The following KIAA1549 variants were observed in gnomAD, a reference collection of about 807,000 sequenced individuals.
KIAA1549 encodes the protein KIAA1549.
A neutral mutation model predicts 156.4 loss-of-function variants in KIAA1549; 70 were observed. That is an observed-to-expected ratio of 0.45 (90% CI 0.37 to 0.55). The LOEUF (loss-of-function observed/expected upper bound fraction) is 0.55, where lower values mean the gene tolerates loss of function less well. Ranked by LOEUF, KIAA1549 falls within the 20% of genes least tolerant of loss-of-function variation. KIAA1549 has a pLI of 0.00. For synonymous variants in KIAA1549, 1,103 were observed against 1,066.4 expected (o/e 1.03, Z -0.67); for missense variants, 2,428 against 2,540.9 (o/e 0.96, Z 0.96).
Position 138,883,234 on chromosome 7 carries a change from C to T in KIAA1549, c.4033-1650G>A, listed in dbSNP as rs185333848. Among the ~76,000 whole-genome samples, 203 of 145,970 alleles carry T rather than the reference C, an allele frequency of 1.4e-3. 1 individual carries two copies. Among genetic ancestry groups the T allele is most frequent in the African/African-American group, 5.1e-3 (202 of 39,248 alleles). On this transcript the variant is annotated intron_variant, in intron 10 of 19. Coordinates refer to ENST00000422774, the MANE Select transcript of KIAA1549 (RefSeq NM_001164665.2). The stretch of plus-strand genomic sequence containing the variant: ...ATTTCAGTAAACTGAGATCGCGCCA[C>T]TGCACTCCAGCCCAGGTGAAAGAGT...
intron 9 of KIAA1549, among the ~76,000 whole-genome samples, chr7:138,894,727 T>G (rs998748834): frequency 2.0e-5 from 3 of 152,110 alleles, no homozygotes; most frequent in Non-Finnish European, 4.4e-5. Flanking sequence ...ACATCAGGGA[T>G]CACAACGACA....
At chr7:138,955,694 T>C (rs1308252009) in intron 1 of KIAA1549, among the ~76,000 whole-genome samples, 6 of 152,196 alleles carry the variant, frequency 3.9e-5, no homozygotes, top group Admixed American at 2.6e-4. Flanking sequence ...TTTGAAACAC[T>C]AGGAAGATGC....
In KIAA1549 at chr7:138,881,411, G is replaced by C; in HGVS notation, c.4206C>G (p.Ser1402=). The part of the protein sequence containing the change: ...DVPSPKSKIP[S]KNVRHRGRVS... ...ACCTTCCTCTGTGACGAACATTCTT[G>C]GAAGGGATCTTTGACTTGGGGCTTG... Residue 1402 remains serine (S), a synonymous_variant, in exon 11 of 20, where the codon TCC becomes TCG. Transcript: ENST00000422774. 3.1e-6 allele frequency: 5 copies of C among 1,613,802 alleles called. No homozygotes were observed. The highest frequency in any genetic ancestry group is 4.2e-6 in the Non-Finnish European group (5 of 1,179,842).
intron 17 of KIAA1549, among the ~76,000 whole-genome samples, chr7:138,845,979 A>G (rs1810061956): frequency 6.6e-6 from 1 of 152,192 alleles, no homozygotes; most frequent in African/African-American, 2.4e-5. Flanking sequence ...TCTCCACTCA[A>G]ACAATGGGAG....
intron 8 of KIAA1549, among the ~76,000 whole-genome samples, chr7:138,902,113 T>C (rs191698103): frequency 6.6e-6 from 1 of 152,376 alleles, no homozygotes; most frequent in Non-Finnish European, 1.5e-5. Flanking sequence ...CTTATTCGTT[T>C]AATGATTACT....
chr7:138,903,791 CAGTGTG>C, intron 7 of KIAA1549, 55 bp from the exon 8 acceptor site: 1 of 1,352,700 alleles, frequency 7.4e-7, no homozygotes, highest in South Asian at 1.3e-5. Flanking sequence ...AGTAAAAAAA[CAGTGTG>C]TGTGTGTGTG....
intron 1 of KIAA1549, among the ~76,000 whole-genome samples, chr7:138,957,798 C>A (rs1813712299): frequency 6.6e-6 from 1 of 152,072 alleles, no homozygotes; most frequent in Non-Finnish European, 1.5e-5. Flanking sequence ...AAAACATGTA[C>A]CTATGGACCC....
At chr7:138,915,629 G>C (rs964003828) in intron 2 of KIAA1549, among the ~76,000 whole-genome samples, 1 of 151,646 alleles carries the variant, frequency 6.6e-6, no homozygotes. Context: ...GACCCAGCGT[G>C]TTCTCCTCCT....
Position 138,918,803 on chromosome 7 carries a change from C to T in KIAA1549, c.823G>A (p.Glu275Lys). ...AAAAAAAGGGTGGTTTCCACACCCTCTGTTAGGGAAGCCACAATCTCTGGC... is the reference window on the plus strand; with the variant it reads ...AAAAAAAGGGTGGTTTCCACACCCTTTGTTAGGGAAGCCACAATCTCTGGC... ...TLPEIVASLT[E>K]GVETTLFLSS... Residue 275 changes from glutamate to lysine, a missense_variant, in exon 2 of 20, where the codon GAG (glutamate) becomes AAG (lysine). This residue lies in a region of KIAA1549 where 893 missense variants were observed against 847.9 expected (regional missense o/e 1.05). Coordinates refer to ENST00000422774, the MANE Select transcript of KIAA1549 (RefSeq NM_001164665.2). This position sits in a 1 kb window ranked among gnomAD's most constrained non-coding sequence, Gnocchi z 4.2. 6.2e-7 allele frequency: 1 copy of T among 1,613,996 alleles called. No individual in the cohort carries two copies. The highest frequency in any genetic ancestry group is 1.1e-5 in the South Asian group (1 of 91,080).
intron 17 of KIAA1549, among the ~76,000 whole-genome samples, chr7:138,847,354 C>T (rs1253237947): frequency 6.6e-6 from 1 of 152,160 alleles, no homozygotes; most frequent in African/African-American, 2.4e-5. Flanking sequence ...CCAGTTTTAC[C>T]TTTGCTGCTT....
At chr7:138,938,433 T>C (rs1813081373) in intron 1 of KIAA1549, among the ~76,000 whole-genome samples, 1 of 151,018 alleles carries the variant, frequency 6.6e-6, no homozygotes, top group Non-Finnish European at 1.5e-5. Context: ...TGGTAATCTT[T>C]CCCAAACCCC....
chr7:138,959,519 C>T (rs772436820), intron 1 of KIAA1549, among the ~76,000 whole-genome samples: 4 of 152,234 alleles, frequency 2.6e-5, no homozygotes, highest in Non-Finnish European at 5.9e-5. Flanking sequence ...TAACCTAACG[C>T]GCATTTTACG....
chr7:138,908,981 A>G lies in KIAA1549; in HGVS notation c.3276+10T>C. The G allele has an allele frequency of 6.2e-7, 1 of 1,613,892 alleles. No homozygotes were observed. Among genetic ancestry groups the G allele is most frequent in the Non-Finnish European group, 8.5e-7 (1 of 1,179,840 alleles). On this transcript the variant is annotated intron_variant, in intron 5 of 19. Transcript: ENST00000422774. ...AAAGCCTTCTGCTCTGCATTCAGTG[A>G]TATTCTCACCTGCACCGTGAGGTTA...
intron 12 of KIAA1549, among the ~76,000 whole-genome samples, chr7:138,873,918 T>G (rs1811006301): frequency 6.7e-6 from 1 of 150,016 alleles, no homozygotes; most frequent in Non-Finnish European, 1.5e-5. Context: ...TTTAAATTTT[T>G]TTACATATAC....
chr7:138,923,676 T>C (rs1048136961), intron 1 of KIAA1549, among the ~76,000 whole-genome samples: 1 of 152,156 alleles, frequency 6.6e-6, no homozygotes, highest in Admixed American at 6.5e-5. Context: ...GTAATACTCC[T>C]ATGTAATTGG....
intron 10 of KIAA1549, among the ~76,000 whole-genome samples, chr7:138,892,385 C>T (rs559246032): frequency 3.9e-5 from 6 of 152,286 alleles, no homozygotes; most frequent in East Asian, 1.9e-4. Context: ...AATACATAAC[C>T]GTCTACACTG....
chr7:138,865,552 T>C (rs1584714034), intron 15 of KIAA1549, among the ~76,000 whole-genome samples: 1 of 152,078 alleles, frequency 6.6e-6, no homozygotes, highest in African/African-American at 2.4e-5. Context: ...TCTTTTAAAG[T>C]GTTTCAGAAT....
chr7:138,850,768 C>T (rs1810211914), intron 17 of KIAA1549, among the ~76,000 whole-genome samples: 1 of 152,160 alleles, frequency 6.6e-6, no homozygotes, highest in African/African-American at 2.4e-5. Context: ...ATCATGAAAT[C>T]TTTGCTCACT....
chr7:138,885,392 C>T (rs993655983), intron 10 of KIAA1549, among the ~76,000 whole-genome samples: 9 of 152,154 alleles, frequency 5.9e-5, no homozygotes, highest in African/African-American at 2.2e-4. Context: ...CTGCTCATAG[C>T]CCTAGCAGCA....
Sources: gnomAD v4.1 joint callset for allele counts (sites outside exome capture counted in the v4.1 genomes callset) on GRCh38, gnomAD v4.1.1 for gene constraint, gnomAD v4.1.1 regional missense constraint, Gnocchi (gnomAD v3.1) non-coding constraint, MANE v1.5 for transcripts, NCBI Gene and HGNC (gene_info 2026-07-23, HGNC 2026-07-21) for gene names.